The following FRMD4A variants were observed in gnomAD, a reference collection of about 807,000 sequenced individuals.
FRMD4A encodes FERM domain-containing protein 4A.
FRMD4A carries 29 observed loss-of-function variants against 129.1 expected under a neutral mutation model. That is an observed-to-expected ratio of 0.22 (90% CI 0.17 to 0.31). The LOEUF is 0.31. FRMD4A is among the 10% of genes least tolerant of loss of function. The probability of loss-of-function intolerance (pLI) is 1.00; values close to 1 mark genes in which losing one functional copy is unlikely to be tolerated. For missense variants in FRMD4A, 1,272 were observed against 1,375.8 expected (o/e 0.92, Z 1.19); for synonymous variants, 634 against 571.6 (o/e 1.11, Z -1.56).
intron 2 of FRMD4A, among the ~76,000 whole-genome samples, chr10:13,889,869 T>C (rs2094674088): frequency 6.6e-6 from 1 of 152,254 alleles, no homozygotes; most frequent in South Asian, 2.1e-4. Context: ...GGCTGGACAA[T>C]ATAGCGTTGA....
chr10:14,168,483 G>A (rs1052326412), intron 2 of FRMD4A, among the ~76,000 whole-genome samples: 6 of 152,186 alleles, frequency 3.9e-5, no homozygotes, highest in African/African-American at 1.4e-4. Context: ...AAAGGAATCT[G>A]TTTCGCTCTG....
chr10:13,729,421 C>T (rs1386719348), intron 12 of FRMD4A: 2 of 152,244 alleles, frequency 1.3e-5, no homozygotes, highest in Non-Finnish European at 2.9e-5. Flanking sequence ...AACGATAAAT[C>T]CGCGGCGCAC....
At chr10:14,080,391 T>C (rs963871452) in intron 2 of FRMD4A, among the ~76,000 whole-genome samples, 1 of 152,148 alleles carries the variant, frequency 6.6e-6, no homozygotes, top group Non-Finnish European at 1.5e-5. Flanking sequence ...AACTGGCTCC[T>C]GAACAAGGGG....
chr10:14,090,529 G>T (rs1348645805), intron 2 of FRMD4A, among the ~76,000 whole-genome samples: 2 of 152,200 alleles, frequency 1.3e-5, no homozygotes, highest in African/African-American at 4.8e-5. Context: ...AGACACAGGT[G>T]AAGGAGCACG....
At chr10:13,927,734 C>T (rs555151818) in intron 2 of FRMD4A, among the ~76,000 whole-genome samples, 56 of 152,208 alleles carry the variant, frequency 3.7e-4, no homozygotes, top group African/African-American at 1.3e-3. Flanking sequence ...AAGAGAAGGC[C>T]ATCATTTCAT....
intron 2 of FRMD4A, among the ~76,000 whole-genome samples, chr10:14,314,134 C>T (rs772245706): frequency 6.6e-5 from 10 of 152,208 alleles, no homozygotes; most frequent in Non-Finnish European, 1.3e-4. Flanking sequence ...AGCAAAGATG[C>T]CACTATTGTC....
chr10:14,010,741 C>T (rs1021456341), intron 2 of FRMD4A, among the ~76,000 whole-genome samples: 2 of 136,464 alleles, frequency 1.5e-5, no homozygotes, highest in African/African-American at 5.3e-5. Context: ...AACTCCTGGG[C>T]TCAAGCAATC....
At chr10:13,663,175 G>A (rs2082765067) in intron 19 of FRMD4A, among the ~76,000 whole-genome samples, 2 of 146,634 alleles carry the variant, frequency 1.4e-5, no homozygotes, top group Non-Finnish European at 3.0e-5. Context: ...GGGCAATAGT[G>A]TGAGACCCTG....
intron 2 of FRMD4A, among the ~76,000 whole-genome samples, chr10:14,155,237 G>C (rs1366401930): frequency 6.6e-6 from 1 of 152,224 alleles, no homozygotes; most frequent in African/African-American, 2.4e-5. Flanking sequence ...GGAGGCTACA[G>C]TGAGCTATGA....
intron 2 of FRMD4A, among the ~76,000 whole-genome samples, chr10:14,289,669 A>C (rs1331073069): frequency 1.3e-5 from 2 of 152,134 alleles, no homozygotes; most frequent in East Asian, 3.8e-4. Flanking sequence ...CACCATCATC[A>C]ATGATGAAAA....
chr10:14,145,792 A>G (rs934301453), intron 2 of FRMD4A, among the ~76,000 whole-genome samples: 5 of 152,160 alleles, frequency 3.3e-5, no homozygotes, highest in Admixed American at 2.6e-4. Context: ...TGCCTGAGAG[A>G]GAGAGAAACT....
intron 2 of FRMD4A, chr10:14,327,021 C>A (rs960138125): frequency 2.5e-6 from 1 of 398,496 alleles, no homozygotes; most frequent in African/African-American, 2.1e-5. Flanking sequence ...GTGAGCTGTC[C>A]GTTGAAAGAA....
intron 15 of FRMD4A, among the ~76,000 whole-genome samples, chr10:13,676,192 T>G (rs4748051): frequency 0.067 from 10,223 of 152,158 alleles, 375 homozygotes; most frequent in South Asian, 0.1. Flanking sequence ...ATTGTACTTT[T>G]TCTACCTTGA....
At chr10:14,304,749 C>G (rs1299651851) in intron 2 of FRMD4A, among the ~76,000 whole-genome samples, 1 of 152,210 alleles carries the variant, frequency 6.6e-6, no homozygotes, top group African/African-American at 2.4e-5. Context: ...GGAGAACTTT[C>G]TTTCCCCACA....
chr10:13,818,440 G>C (rs2093580286), intron 3 of FRMD4A, among the ~76,000 whole-genome samples: 1 of 152,200 alleles, frequency 6.6e-6, no homozygotes, highest in African/African-American at 2.4e-5. Flanking sequence ...AAAGTGCTGG[G>C]ATGACAAGTG....
intron 12 of FRMD4A, among the ~76,000 whole-genome samples, chr10:13,722,210 T>A (rs1588424908): frequency 6.6e-6 from 1 of 150,698 alleles, no homozygotes; most frequent in Admixed American, 6.6e-5. Context: ...GCATGAACTA[T>A]TCCACTGGCC....
intron 2 of FRMD4A, among the ~76,000 whole-genome samples, chr10:14,302,782 AC>A (rs1178703777): frequency 6.6e-6 from 1 of 152,238 alleles, no homozygotes; most frequent in African/African-American, 2.4e-5. Flanking sequence ...GGAACTGTAT[AC>A]TTGTGCATCC....
Position 13,679,452 on chromosome 10 carries a change from A to T in FRMD4A, c.1118-4408T>A, listed in dbSNP as rs1202972598. Reference sequence around the variant, plus strand: ...AAAAAAAAAAAAAAAAAAAAAAAAAAAAAAAAAAATATATATATATATACA... The same window carrying T: ...AAAAAAAAAAAAAAAAAAAAAAAAATAAAAAAAAATATATATATATATACA... On this transcript the variant is annotated intron_variant, in intron 15 of 24. Coordinates refer to ENST00000357447, the MANE Select transcript of FRMD4A (RefSeq NM_018027.5). 2.8e-3 allele frequency among the ~76,000 whole-genome samples: 119 copies of T among 43,088 alleles called. 2 individuals carry two copies. The highest frequency in any genetic ancestry group is 0.01 in the African/African-American group (107 of 10,470). 28.3% of individuals were successfully genotyped at this position (43,088 alleles called of 152,430 possible).
chr10:13,649,494 T>G (rs775738662), intron 24 of FRMD4A: 6 of 152,180 alleles, frequency 3.9e-5, no homozygotes, highest in Non-Finnish European at 7.3e-5. Flanking sequence ...AGGTGGCTCC[T>G]AGAGGAGCCG....
Sources: gnomAD v4.1 joint callset for allele counts (sites outside exome capture counted in the v4.1 genomes callset) on GRCh38, gnomAD v4.1.1 for gene constraint, MANE v1.5 for transcripts, NCBI Gene and HGNC (gene_info 2026-07-23, HGNC 2026-07-21) for gene names.